The following CERS6 variants were observed in gnomAD, a reference collection of about 807,000 sequenced individuals.
CERS6 encodes ceramide synthase 6, also known as LAG1 homolog, ceramide synthase 6.
Under a neutral mutation model 56.8 loss-of-function variants are expected in CERS6, and 26 were observed. The ratio of observed to expected loss-of-function variants is 0.46; its 90% confidence interval spans 0.34 to 0.63. The LOEUF (loss-of-function observed/expected upper bound fraction) is 0.63, where lower values mean the gene tolerates loss of function less well. Ranked by LOEUF, CERS6 falls within the 30% of genes least tolerant of loss-of-function variation. The probability of loss-of-function intolerance (pLI) is 0.01; values close to 1 mark genes in which losing one functional copy is unlikely to be tolerated. For missense variants in CERS6, 415 were observed against 467.5 expected, an observed-to-expected ratio of 0.89 and a Z score of 1.04; for synonymous variants, 164 against 173.3, an observed-to-expected ratio of 0.95 and a Z score of 0.42.
chr2:168,577,106 G>A (rs943657161), intron 3 of CERS6, among the ~76,000 whole-genome samples: 2 of 152,182 alleles, frequency 1.3e-5, no homozygotes, highest in African/African-American at 4.8e-5. Context: ...TTGGTGAATA[G>A]ATAGTGTGTA....
chr2:168,682,360 A>G (rs1220837883), intron 4 of CERS6, among the ~76,000 whole-genome samples: 1 of 152,232 alleles, frequency 6.6e-6, no homozygotes, highest in African/African-American at 2.4e-5. Flanking sequence ...AGAGATTACC[A>G]CTAAGCAATT....
At chr2:168,589,811 G>C (rs1354369378) in intron 3 of CERS6, among the ~76,000 whole-genome samples, 1 of 152,132 alleles carries the variant, frequency 6.6e-6, no homozygotes, top group Non-Finnish European at 1.5e-5. Context: ...TGCTTTATTG[G>C]TATAACCATT....
At chr2:168,680,667 C>T (rs540375116) in intron 4 of CERS6, among the ~76,000 whole-genome samples, 2 of 151,780 alleles carry the variant, frequency 1.3e-5, no homozygotes, top group South Asian at 2.1e-4. Context: ...GCCATGAGAG[C>T]TCCTTCCTCC....
chr2:168,749,960 C>T (rs946419416), intron 8 of CERS6, among the ~76,000 whole-genome samples: 2 of 152,218 alleles, frequency 1.3e-5, no homozygotes, highest in Non-Finnish European at 2.9e-5. Context: ...ATTACATTCA[C>T]ATTAAGGGGC....
chr2:168,456,728 C>A lies in CERS6; in HGVS notation c.170+110C>A. Reference sequence around the variant, plus strand: ...CGCGCCCCCAACGCTCGCGTTCACGCCTCCCAACCTTTGTGTTCGGGGAGG... The same window carrying A: ...CGCGCCCCCAACGCTCGCGTTCACGACTCCCAACCTTTGTGTTCGGGGAGG... On this transcript the variant is annotated intron_variant, in intron 1 of 9. Transcript: ENST00000305747. This position sits in a 1 kb window ranked among gnomAD's most constrained non-coding sequence, Gnocchi z 4.1. The A allele has an allele frequency of 1.9e-6, 2 of 1,036,428 alleles. No homozygotes were observed. The highest frequency in any genetic ancestry group is 2.8e-6 in the Non-Finnish European group (2 of 710,472). 64.2% of individuals were successfully genotyped at this position (1,036,428 alleles called of 1,614,324 possible). A position where few individuals can be genotyped will look rare whatever the true frequency, so the allele number is the denominator to read the frequency against.
intron 8 of CERS6, among the ~76,000 whole-genome samples, chr2:168,732,255 T>A (rs1683562466): frequency 6.6e-6 from 1 of 152,190 alleles, no homozygotes; most frequent in Admixed American, 6.5e-5. Flanking sequence ...TGTTTGGTAA[T>A]CATTCCTTTC....
intron 8 of CERS6, among the ~76,000 whole-genome samples, chr2:168,720,409 G>A (rs1446656480): frequency 6.6e-6 from 1 of 152,142 alleles, no homozygotes; most frequent in Non-Finnish European, 1.5e-5. Context: ...ATTGGACAGT[G>A]CATTTCCAGA....
chr2:168,676,327 G>A (rs892235720), intron 4 of CERS6, among the ~76,000 whole-genome samples: 30 of 151,948 alleles, frequency 2.0e-4, no homozygotes, highest in Non-Finnish European at 3.7e-4. Flanking sequence ...ACCCATACAC[G>A]GTTTTTTATC....
intron 1 of CERS6, among the ~76,000 whole-genome samples, chr2:168,476,229 C>T (rs1229266683): frequency 6.6e-6 from 1 of 150,946 alleles, no homozygotes; most frequent in Non-Finnish European, 1.5e-5. Flanking sequence ...TTTTTAATCA[C>T]CCTTTTATCA....
intron 4 of CERS6, among the ~76,000 whole-genome samples, chr2:168,648,174 T>C (rs191527326): frequency 8.4e-4 from 128 of 152,268 alleles, no homozygotes; most frequent in African/African-American, 2.8e-3. Context: ...GGTAGGCTAT[T>C]TATTACTGAT....
intron 1 of CERS6, among the ~76,000 whole-genome samples, chr2:168,525,834 G>C (rs1013294921): frequency 6.6e-6 from 1 of 152,150 alleles, no homozygotes; most frequent in African/African-American, 2.4e-5. Context: ...GTCACTCTAT[G>C]AGCTGTTGCC....
chr2:168,471,605 A>G (rs1436557649), intron 1 of CERS6, among the ~76,000 whole-genome samples: 1 of 152,178 alleles, frequency 6.6e-6, no homozygotes, highest in Non-Finnish European at 1.5e-5. Context: ...AGAGTTAAAG[A>G]TGAGACAAAA....
chr2:168,694,512 A>T (rs911577874), intron 5 of CERS6, among the ~76,000 whole-genome samples: 2 of 152,168 alleles, frequency 1.3e-5, no homozygotes, highest in Admixed American at 6.5e-5. Flanking sequence ...GAGCTTTCTG[A>T]TTAATGCAGA....
intron 4 of CERS6, among the ~76,000 whole-genome samples, chr2:168,651,488 C>T (rs1012434525): frequency 1.3e-5 from 2 of 152,146 alleles, no homozygotes; most frequent in African/African-American, 4.8e-5. Flanking sequence ...CTACCTGAGA[C>T]TGGGTGATTT....
intron 6 of CERS6, among the ~76,000 whole-genome samples, chr2:168,709,860 C>T (rs1687044873): frequency 6.6e-6 from 1 of 152,120 alleles, no homozygotes; most frequent in Admixed American, 6.6e-5. Flanking sequence ...AGATTCAGTG[C>T]CTACTCAAAG....
intron 3 of CERS6, among the ~76,000 whole-genome samples, chr2:168,595,911 C>T (rs534943436): frequency 2.3e-4 from 35 of 151,848 alleles, no homozygotes; most frequent in Non-Finnish European, 1.5e-5. Context: ...TTCATATTTT[C>T]TTCCAGATGT....
chr2:168,526,852 C>T (rs1009482020), intron 1 of CERS6, among the ~76,000 whole-genome samples: 1 of 152,188 alleles, frequency 6.6e-6, no homozygotes, highest in Non-Finnish European at 1.5e-5. Flanking sequence ...TATCCAGCAG[C>T]CTTCAACAAA....
At chr2:168,478,605 C>T (rs948353759) in intron 1 of CERS6, among the ~76,000 whole-genome samples, 1 of 152,212 alleles carries the variant, frequency 6.6e-6, no homozygotes, top group Non-Finnish European at 1.5e-5. Context: ...CACCCCAGAT[C>T]TGTTGACTTG....
chr2:168,516,335 A>G (rs1694883715), intron 1 of CERS6, among the ~76,000 whole-genome samples: 1 of 152,188 alleles, frequency 6.6e-6, no homozygotes, highest in African/African-American at 2.4e-5. Flanking sequence ...GCAGCTTAAT[A>G]ACAATTTTAT....
Sources: allele counts gnomAD v4.1 joint callset (sites outside exome capture counted in the v4.1 genomes callset), GRCh38; gene constraint gnomAD v4.1.1; non-coding constraint Gnocchi (gnomAD v3.1); transcripts MANE v1.5; gene names NCBI Gene and HGNC (gene_info 2026-07-23, HGNC 2026-07-21).